TNNI1: variants seen among roughly 807,000 people sequenced by gnomAD.
The protein encoded by TNNI1 is troponin I, slow skeletal muscle.
Under a neutral mutation model 26.7 loss-of-function variants are expected in TNNI1, and 14 were observed. The ratio of observed to expected loss-of-function variants is 0.52; its 90% CI spans 0.35 to 0.82. TNNI1 has a LOEUF of 0.82. TNNI1 is among the 40% of genes least tolerant of loss of function. The pLI is 0.01. For missense variants in TNNI1, 164 were observed against 257.0 expected, an observed-to-expected ratio of 0.64 and a Z score of 2.47; for synonymous variants, 79 against 98.2, an observed-to-expected ratio of 0.80 and a Z score of 1.16.
At position 201,406,407 on chromosome 1, in the gene TNNI1, G is replaced by A. The variant is rs1163962782; in HGVS notation, c.*2846C>T. 5 of 152,196 alleles carry A rather than the reference G, an allele frequency of 3.3e-5. No individual in the cohort carries two copies. Among genetic ancestry groups the A allele is most frequent in the Admixed American group, 6.5e-5 (1 of 15,282 alleles). The allele number at this position is 152,196 out of a possible 1,614,324, so 9.4% of individuals were successfully genotyped here. A position where few individuals can be genotyped will look rare whatever the true frequency, so the allele number is the denominator to read the frequency against. The stretch of plus-strand genomic sequence containing the variant: ...ACAGACTTCTTGGGTTGAATCCTGG[G>A]ACCACCACTTATTAGCTGTGTGATC... On this transcript the variant is annotated 3_prime_UTR_variant, in exon 9 of 9. Coordinates refer to ENST00000361379, the MANE Select transcript of TNNI1 (RefSeq NM_003281.4).
At chr1:201,415,102 C>A in intron 4 of TNNI1, 111 bp downstream of exon 4, 1 of 1,007,856 alleles carries the variant, frequency 9.9e-7, no homozygotes. Flanking sequence ...CATCCTCACT[C>A]TGGCCTCCTT....
Position 201,411,346 on chromosome 1 carries a change from A to G in TNNI1, c.456+11T>C, listed in dbSNP as rs193271920. 110 of 1,613,176 alleles carry G rather than the reference A, an allele frequency of 6.8e-5. No individual in the cohort carries two copies. In the African/African-American group the frequency reaches 1.0e-3, roughly 15 times the overall value. On this transcript the variant is annotated intron_variant, in intron 7 of 8. Transcript: ENST00000361379. This position sits in a 1 kb window ranked among gnomAD's most constrained non-coding sequence, Gnocchi z 4.6. ...GCAGAGGGTGGAATGTTCTGAGGAA[A>G]GGGACCTCACCTTCTCTGTGTCTTC... is the stretch of plus-strand genomic sequence containing the variant.
intron 5 of TNNI1, 94 bp from the exon 6 acceptor site, chr1:201,413,215 G>A (rs778392795): frequency 1.9e-4 from 266 of 1,405,346 alleles, no homozygotes; most frequent in Non-Finnish European, 2.4e-4. Flanking sequence ...CCCTTTGCAA[G>A]ACCTGGGATC....
rs117351978 is a variant in TNNI1, at chr1:201,419,363, G to C, written c.-19-1551C>G. 3.7e-4 allele frequency among the ~76,000 whole-genome samples: 57 copies of C among 152,342 alleles called. 1 individual carries two copies. The East Asian group carries it at 0.011, about 29-fold the overall frequency. ...CTGGACACAGGGCATTCCAATGCAGGGGAAGGGAGGAACTGTGCAAAAGCT... is the reference window on the plus strand; with the variant it reads ...CTGGACACAGGGCATTCCAATGCAGCGGAAGGGAGGAACTGTGCAAAAGCT... On this transcript the variant is annotated intron_variant, in intron 1 of 8. Transcript: ENST00000361379.
chr1:201,408,563 CT>C lies in TNNI1; in HGVS notation c.*689del, dbSNP rs1381619281. The C allele has an allele frequency of 6.6e-6, 1 of 152,404 alleles. No individual in the cohort carries two copies. The highest frequency in any genetic ancestry group is 2.4e-5 in the African/African-American group (1 of 41,364). The allele number at this position is 152,404 out of a possible 1,614,324, so 9.4% of individuals were successfully genotyped here. A position where few individuals can be genotyped will look rare whatever the true frequency, so the allele number is the denominator to read the frequency against. On this transcript the variant is annotated 3_prime_UTR_variant, in exon 9 of 9. Transcript: ENST00000361379. ...ATGAAAGCCGGCAGGAGAAGCGGCT[CT>C]TAATGGAGAGGCCTCTTCTGATGGC...
intron 1 of TNNI1, among the ~76,000 whole-genome samples, chr1:201,419,857 G>A (rs1168102245): frequency 6.6e-6 from 1 of 152,202 alleles, no homozygotes; most frequent in Non-Finnish European, 1.5e-5. Context: ...AGAGGGAGGG[G>A]TATGGAGACA....
chr1:201,414,541 C>T lies in TNNI1; in HGVS notation c.166G>A (p.Gly56Ser), dbSNP rs778146104. 22 of 1,609,736 alleles carry T rather than the reference C, an allele frequency of 1.4e-5. No homozygotes were observed. The highest frequency in any genetic ancestry group is 1.9e-5 in the Non-Finnish European group (22 of 1,178,280). Reference protein sequence around the residue: ...AERIPTLQTRGLSLSALQDLC... With the variant: ...AERIPTLQTRSLSLSALQDLC... Reference sequence around the variant, plus strand: ...ACCTGCAGGGCACTGAGGGACAGGCCACGGGTCTGCAGCGTGGGGATGCGC... The same window carrying T: ...ACCTGCAGGGCACTGAGGGACAGGCTACGGGTCTGCAGCGTGGGGATGCGC... The change falls in exon 5 of 9, where the codon GGC becomes AGC. Residue 56 changes from glycine to serine, a missense_variant. By Grantham distance (56) the Gly-to-Ser change is moderately conservative (BLOSUM62 0). Coordinates refer to ENST00000361379, the MANE Select transcript of TNNI1 (RefSeq NM_003281.4).
At chr1:201,410,145 A>C (rs1420997697) in intron 8 of TNNI1, 181 bp downstream of exon 8, 1 of 551,520 alleles carries the variant, frequency 1.8e-6, no homozygotes, top group Non-Finnish European at 3.2e-6. Context: ...TGACATGCCC[A>C]AGTATCATGG....
rs771260828 is a variant in TNNI1, at chr1:201,407,794, C to T, written c.*1459G>A. The T allele has an allele frequency of 2.6e-5, 4 of 152,104 alleles. No homozygotes were observed. Among genetic ancestry groups the T allele is most frequent in the Non-Finnish European group, 5.9e-5 (4 of 68,062 alleles). 9.4% of individuals were successfully genotyped at this position (152,104 alleles called of 1,614,324 possible). The stretch of plus-strand genomic sequence containing the variant: ...ATGTGGTCGCTCACACCTGTAATCC[C>T]AGAACTTTGGGAGGCCGAGGTGGGC... On this transcript the variant is annotated 3_prime_UTR_variant, in exon 9 of 9. Transcript: ENST00000361379.
At chr1:201,420,740 T>G (rs1324146730) in intron 1 of TNNI1, among the ~76,000 whole-genome samples, 3 of 151,926 alleles carry the variant, frequency 2.0e-5, no homozygotes, top group African/African-American at 7.3e-5. Context: ...CTGTCTTCCT[T>G]GACTGACGGT....
intron 3 of TNNI1, 63 bp downstream of exon 3, chr1:201,417,053 A>G: frequency 6.2e-7 from 1 of 1,608,698 alleles, no homozygotes; most frequent in Non-Finnish European, 8.5e-7. Flanking sequence ...TGCCAACCCC[A>G]CCTTCCCACT....
rs1384959760 is a variant in TNNI1 at position 201,411,841 on chromosome 1, G to C, written c.280-308C>G. On this transcript the variant is annotated intron_variant, in intron 6 of 8. Transcript: ENST00000361379. The surrounding 1 kb of genome is among the most constrained non-coding windows in gnomAD (Gnocchi z 4.6). ...TCCCTCACATGCACAGTTCACAATA[G>C]GGTTCACACTCCTGTGAGAATCTAA... Among the ~76,000 whole-genome samples, 1 of 152,166 alleles carries C rather than the reference G, an allele frequency of 6.6e-6. No homozygotes were observed. The highest frequency in any genetic ancestry group is 1.5e-5 in the Non-Finnish European group (1 of 68,014).
chr1:201,409,595 T>A (rs544662078), intron 8 of TNNI1, among the ~76,000 whole-genome samples: 96 of 152,320 alleles, frequency 6.3e-4, no homozygotes, highest in African/African-American at 2.3e-3. Context: ...CACTCGCTCG[T>A]CGCATCCTCA....
At chr1:201,419,089 C>T (rs569139805) in intron 1 of TNNI1, among the ~76,000 whole-genome samples, 89 of 152,178 alleles carry the variant, frequency 5.8e-4, no homozygotes, top group East Asian at 2.7e-3. Context: ...ACCTGTGTAA[C>T]GAACCCACAC....
In TNNI1 at chr1:201,406,975, G is replaced by A. The variant is rs1173629909; in HGVS notation, c.*2278C>T. Reference sequence around the variant, plus strand: ...TGGGCCCCACCTCCTCCTCCCATGGGTCTTCTGCACCCACGTGTTTGCTTT... The same window carrying A: ...TGGGCCCCACCTCCTCCTCCCATGGATCTTCTGCACCCACGTGTTTGCTTT... On this transcript the variant is annotated 3_prime_UTR_variant, in exon 9 of 9. Coordinates refer to ENST00000361379, the MANE Select transcript of TNNI1 (RefSeq NM_003281.4). 3.3e-5 allele frequency: 5 copies of A among 152,288 alleles called. No homozygotes were observed. The highest frequency in any genetic ancestry group is 1.2e-4 in the African/African-American group (5 of 41,432). The allele number at this position is 152,288 out of a possible 1,614,324, so 9.4% of individuals were successfully genotyped here. A position where few individuals can be genotyped will look rare whatever the true frequency, so the allele number is the denominator to read the frequency against.
At chr1:201,410,466 T>G (rs1329004608) in intron 7 of TNNI1, 31 bp from the exon 8 acceptor site, 3 of 1,598,538 alleles carry the variant, frequency 1.9e-6, no homozygotes, top group Non-Finnish European at 2.6e-6. Flanking sequence ...CATCAGGGAC[T>G]TACCAGGCTG....
intron 1 of TNNI1, among the ~76,000 whole-genome samples, chr1:201,418,583 A>G (rs557823783): frequency 6.6e-6 from 1 of 152,204 alleles, no homozygotes; most frequent in African/African-American, 2.4e-5. Flanking sequence ...GGGCTCAGAG[A>G]GAGGAAGGCC....
At chr1:201,413,744 C>CAA (rs879315625) in intron 5 of TNNI1, among the ~76,000 whole-genome samples, 1 of 144,422 alleles carries the variant, frequency 6.9e-6, no homozygotes, top group Non-Finnish European at 1.5e-5. Context: ...GACTCTGCCT[C>CAA]AAAAAAAAAA....
intron 3 of TNNI1, 134 bp from the exon 4 acceptor site, chr1:201,415,388 T>A: frequency 1.1e-6 from 1 of 876,120 alleles, no homozygotes; most frequent in Non-Finnish European, 1.8e-6. Context: ...TACGGTGCCT[T>A]AAAAGCTCAT....
Sources: gnomAD v4.1 joint callset for allele counts (sites outside exome capture counted in the v4.1 genomes callset) on GRCh38, gnomAD v4.1.1 for gene constraint, Gnocchi (gnomAD v3.1) non-coding constraint, MANE v1.5 for transcripts, NCBI Gene and HGNC (gene_info 2026-07-23, HGNC 2026-07-21) for gene names.